Variants in PPP4R4 observed in about 807,000 individuals in gnomAD.
The protein encoded by PPP4R4 is protein phosphatase 4 regulatory subunit 4.
Under a neutral mutation model 121.8 loss-of-function variants are expected in PPP4R4, and 70 were observed. That is an observed-to-expected ratio of 0.57 (90% CI 0.47 to 0.70). The LOEUF (loss-of-function observed/expected upper bound fraction) is 0.70. Ranked by LOEUF, PPP4R4 falls within the 30% of genes least tolerant of loss-of-function variation. The pLI is 0.00. For missense variants in PPP4R4, 875 were observed against 1,033.6 expected (o/e 0.85, Z 2.10); for synonymous variants, 348 against 355.7 (o/e 0.98, Z 0.24).
chr14:94,217,631 GA>G (rs961251100), intron 3 of PPP4R4, among the ~76,000 whole-genome samples: 1 of 152,162 alleles, frequency 6.6e-6, no homozygotes, highest in Non-Finnish European at 1.5e-5. Flanking sequence ...AAAATCCACT[GA>G]AAAAACAACA....
chr14:94,240,732 G>C lies in PPP4R4; in HGVS notation c.913G>C (p.Ala305Pro), dbSNP rs201341533. Residue 305 changes from alanine to proline, a missense_variant, in exon 9 of 25, where the codon GCA becomes CCA. Ala to Pro is a conservative substitution (Grantham distance 27). Coordinates refer to ENST00000304338, the MANE Select transcript of PPP4R4 (RefSeq NM_058237.2). Reference sequence around the variant, plus strand: ...ATCATTTTGTGAAAAATCTTTCAAAGCAGATGAATCAATTCTTATTTCTTT... The same window carrying C: ...ATCATTTTGTGAAAAATCTTTCAAACCAGATGAATCAATTCTTATTTCTTT... Reference protein sequence around the residue: ...VKSFCEKSFKADESILISLSF... With the variant: ...VKSFCEKSFKPDESILISLSF... 2 of 1,607,164 alleles carry C rather than the reference G, an allele frequency of 1.2e-6. No homozygotes were observed. The highest frequency in any genetic ancestry group is 1.7e-6 in the Non-Finnish European group (2 of 1,177,658).
intron 22 of PPP4R4, 66 bp from the exon 23 acceptor site, chr14:94,266,893 T>G (rs1894079639): frequency 9.8e-7 from 1 of 1,021,586 alleles, no homozygotes; most frequent in Non-Finnish European, 1.5e-6. Flanking sequence ...ACAGCACAAG[T>G]GTTAGATGAC....
At chr14:94,235,107 C>G (rs1378251427) in intron 7 of PPP4R4, among the ~76,000 whole-genome samples, 2 of 152,030 alleles carry the variant, frequency 1.3e-5, no homozygotes, top group Non-Finnish European at 2.9e-5. Context: ...TATATCCTTC[C>G]ACATGTTTAA....
In PPP4R4 at chr14:94,247,127, C is replaced by T. The variant is rs1229160350; in HGVS notation, c.1611+588C>T. 2.0e-5 allele frequency among the ~76,000 whole-genome samples: 3 copies of T among 152,194 alleles called. No individual in the cohort carries two copies. In the East Asian group the frequency reaches 5.8e-4, roughly 29 times the overall value. On this transcript the variant is annotated intron_variant, in intron 14 of 24. Transcript: ENST00000304338. ...AAAACAAGGTGGCACTCAAGCCTCC[C>T]CACAAAGTTAATTGTCTACTTTTTT...
intron 3 of PPP4R4, among the ~76,000 whole-genome samples, chr14:94,216,696 A>T (rs1283991576): frequency 6.6e-6 from 1 of 152,194 alleles, no homozygotes; most frequent in African/African-American, 2.4e-5. Flanking sequence ...CAAGAGTCTA[A>T]GCTGCAGAGG....
Position 94,223,745 on chromosome 14 carries a change from A to C in PPP4R4, c.295-6842A>C, listed in dbSNP as rs369336531. 3.8e-3 allele frequency among the ~76,000 whole-genome samples: 568 copies of C among 151,250 alleles called. 2 individuals are homozygous for C. The highest frequency in any genetic ancestry group is 0.013 in the African/African-American group (519 of 41,360). On this transcript the variant is annotated intron_variant, in intron 3 of 24. Coordinates refer to ENST00000304338, the MANE Select transcript of PPP4R4 (RefSeq NM_058237.2). Reference sequence around the variant, plus strand: ...CCAAGAGGGTTGATTAGAGTTACCTAGTCTGCCTTTATTGAAAGAGGAAGT... The same window carrying C: ...CCAAGAGGGTTGATTAGAGTTACCTCGTCTGCCTTTATTGAAAGAGGAAGT...
intron 23 of PPP4R4, among the ~76,000 whole-genome samples, chr14:94,271,151 G>A (rs1020283557): frequency 1.3e-5 from 2 of 152,020 alleles, no homozygotes; most frequent in African/African-American, 4.8e-5. Context: ...TAGAAGCAAC[G>A]GGAATACACC....
At chr14:94,179,169 T>A (rs976472281) in intron 2 of PPP4R4, among the ~76,000 whole-genome samples, 1 of 152,182 alleles carries the variant, frequency 6.6e-6, no homozygotes, top group African/African-American at 2.4e-5. Context: ...TGCAATCAAT[T>A]TTAGAACATT....
At chr14:94,246,660 A>C in intron 14 of PPP4R4, 121 bp downstream of exon 14, 1 of 1,117,436 alleles carries the variant, frequency 8.9e-7, no homozygotes, top group Non-Finnish European at 1.3e-6. Flanking sequence ...ACCTAGGAGG[A>C]TGTCAGCTTC....
At chr14:94,238,995 A>G (rs1892486391) in intron 8 of PPP4R4, among the ~76,000 whole-genome samples, 1 of 151,908 alleles carries the variant, frequency 6.6e-6, no homozygotes, top group Admixed American at 6.6e-5. Flanking sequence ...TACTGCCCAC[A>G]CCCATTTATC....
intron 2 of PPP4R4, among the ~76,000 whole-genome samples, chr14:94,196,611 G>T (rs1388549032): frequency 6.6e-6 from 1 of 151,946 alleles, no homozygotes; most frequent in Non-Finnish European, 1.5e-5. Context: ...ACTGTGCCTG[G>T]CCTCAAATCT....
At chr14:94,230,764 C>G (rs749751628) in intron 4 of PPP4R4, 30 bp downstream of exon 4, 1 of 1,577,430 alleles carries the variant, frequency 6.3e-7, no homozygotes. Context: ...TAATTATATA[C>G]TTGTTTATTG....
At chr14:94,175,116 C>T (rs936289603) in intron 1 of PPP4R4, among the ~76,000 whole-genome samples, 3 of 151,968 alleles carry the variant, frequency 2.0e-5, no homozygotes, top group Non-Finnish European at 4.4e-5. Flanking sequence ...TTCCCAACTC[C>T]TCCCCCCACC....
chr14:94,205,023 T>A (rs1174385093), intron 2 of PPP4R4, among the ~76,000 whole-genome samples: 2 of 152,200 alleles, frequency 1.3e-5, no homozygotes, highest in African/African-American at 4.8e-5. Context: ...TTAAATATTT[T>A]TGTATCTATA....
chr14:94,176,364 G>T (rs566901319), intron 2 of PPP4R4, among the ~76,000 whole-genome samples: 1 of 152,326 alleles, frequency 6.6e-6, no homozygotes, highest in East Asian at 1.9e-4. Context: ...AGCAAGAGCA[G>T]ATGGTTGGAG....
chr14:94,227,598 G>A (rs1382094063), intron 3 of PPP4R4: 5 of 1,278,598 alleles, frequency 3.9e-6, no homozygotes, highest in East Asian at 6.4e-5. Context: ...ATGTTGCTGC[G>A]GGAGTCAAGA....
chr14:94,200,431 C>A (rs1890113045), intron 2 of PPP4R4, among the ~76,000 whole-genome samples: 1 of 152,172 alleles, frequency 6.6e-6, no homozygotes, highest in African/African-American at 2.4e-5. Context: ...CTTTGAATGT[C>A]TGATAGAATT....
chr14:94,189,046 A>G (rs898710375), intron 2 of PPP4R4, among the ~76,000 whole-genome samples: 1 of 152,182 alleles, frequency 6.6e-6, no homozygotes, highest in African/African-American at 2.4e-5. Flanking sequence ...AAGAGAAATC[A>G]GGGAGAAAAT....
chr14:94,245,050 A>G (rs1197313448), intron 12 of PPP4R4, among the ~76,000 whole-genome samples: 1 of 152,086 alleles, frequency 6.6e-6, no homozygotes, highest in Admixed American at 6.6e-5. Context: ...ATTCTTTTCT[A>G]TATAAAGGTT....
Sources: gnomAD v4.1 joint callset for allele counts (sites outside exome capture counted in the v4.1 genomes callset) on GRCh38, gnomAD v4.1.1 for gene constraint, MANE v1.5 for transcripts, NCBI Gene and HGNC (gene_info 2026-07-23, HGNC 2026-07-21) for gene names.